PCSK5: variants seen among roughly 807,000 people sequenced by gnomAD.
The protein encoded by PCSK5 is proprotein convertase subtilisin/kexin type 5.
In PCSK5, 129 loss-of-function variants were observed where a neutral mutation model predicts 233.2. That is an observed-to-expected ratio of 0.55 (90% CI 0.48 to 0.64). The LOEUF is 0.64. Among genes scored for constraint, PCSK5 ranks in the 30% least tolerant of loss-of-function variants. PCSK5 has a pLI of 0.00. For synonymous variants in PCSK5, 825 were observed against 879.2 expected (o/e 0.94, Z 1.09); for missense variants, 2,076 against 2,430.1 (o/e 0.85, Z 3.06).
chr9:75,976,626 T>C (rs1826034494), intron 2 of PCSK5, among the ~76,000 whole-genome samples: 1 of 152,056 alleles, frequency 6.6e-6, no homozygotes, highest in African/African-American at 2.4e-5. Context: ...CCTTACAAGT[T>C]GTGAAAAAAC....
chr9:76,284,863 C>T (rs751989020), intron 24 of PCSK5, among the ~76,000 whole-genome samples: 3 of 152,066 alleles, frequency 2.0e-5, no homozygotes, highest in Non-Finnish European at 2.9e-5. Flanking sequence ...TACCCAGTCT[C>T]AGGTATTTCT....
intron 2 of PCSK5, among the ~76,000 whole-genome samples, chr9:75,950,800 G>A (rs1824821143): frequency 1.3e-5 from 2 of 152,158 alleles, no homozygotes; most frequent in Non-Finnish European, 2.9e-5. Context: ...AAAATCACCA[G>A]CTAACATCAT....
intron 30 of PCSK5, among the ~76,000 whole-genome samples, chr9:76,319,442 T>G (rs1334768842): frequency 6.8e-6 from 1 of 148,130 alleles, no homozygotes; most frequent in African/African-American, 2.5e-5. Flanking sequence ...TACTCTTTGT[T>G]GCATTACTAA....
intron 35 of PCSK5, among the ~76,000 whole-genome samples, chr9:76,340,093 T>C (rs1339269554): frequency 6.6e-6 from 1 of 152,140 alleles, no homozygotes; most frequent in Non-Finnish European, 1.5e-5. Flanking sequence ...CCAGGAGTAT[T>C]CTTCCTCCTT....
intron 10 of PCSK5, among the ~76,000 whole-genome samples, chr9:76,151,587 C>T (rs562386610): frequency 1.3e-5 from 2 of 152,278 alleles, no homozygotes; most frequent in East Asian, 1.9e-4. Flanking sequence ...CTGGCCCCTG[C>T]GATGTGCTAC....
chr9:75,943,066 G>A (rs1480249494), intron 2 of PCSK5, among the ~76,000 whole-genome samples: 3 of 151,760 alleles, frequency 2.0e-5, no homozygotes, highest in Admixed American at 6.6e-5. Flanking sequence ...TGTATTTTTA[G>A]TAGAGACGGG....
At position 76,223,438 on chromosome 9, in the gene PCSK5, T is replaced by TTCC. The variant is rs1419912108; in HGVS notation, c.2627-4064_2627-4063insCCT. On this transcript the variant is annotated intron_variant, in intron 20 of 37. Coordinates refer to ENST00000674117, the MANE Select transcript of PCSK5 (RefSeq NM_001372043.1). ...TATAATGTTTGCTTAGAATCTGGAC[T>TTCC]TGTTGATAGTATTCTACAGTGTTAT... Among the ~76,000 whole-genome samples, 3 of 152,362 alleles carry TTCC rather than the reference T, an allele frequency of 2.0e-5. No homozygotes were observed. In the East Asian group the frequency reaches 5.8e-4, roughly 29 times the overall value.
chr9:75,986,135 G>A lies in PCSK5; in HGVS notation c.301G>A (p.Glu101Lys). 6.3e-7 allele frequency: 1 copy of A among 1,594,224 alleles called. No homozygotes were observed. Among genetic ancestry groups the A allele is most frequent in the Non-Finnish European group, 8.6e-7 (1 of 1,161,790 alleles). Reference protein sequence around the residue: ...HSFISMEPKVEWIQQQVVKKR... With the variant: ...HSFISMEPKVKWIQQQVVKKR... Reference sequence around the variant, plus strand: ...CACCAAATGTCCTTCTTGACAGGTGGAATGGATCCAACAGCAAGTGGTAAA... The same window carrying A: ...CACCAAATGTCCTTCTTGACAGGTGAAATGGATCCAACAGCAAGTGGTAAA... Residue 101 changes from glutamate (E) to lysine (K), a missense_variant, in exon 3 of 38, where the codon GAA (glutamate) becomes AAA (lysine). Physicochemically the swap from Glu to Lys is moderately conservative, Grantham distance 56. Around this residue, in one of 6 missense-constraint regions of PCSK5, gnomAD observed 190 missense variants for 216.3 expected, o/e 0.88. Transcript: ENST00000674117.
intron 10 of PCSK5, among the ~76,000 whole-genome samples, chr9:76,138,466 C>T (rs764879397): frequency 5.9e-5 from 9 of 152,018 alleles, no homozygotes; most frequent in Admixed American, 2.0e-4. Flanking sequence ...TCATAACCTA[C>T]GGCTTGTATC....
intron 1 of PCSK5, among the ~76,000 whole-genome samples, chr9:75,916,297 A>C (rs989099935): frequency 2.6e-5 from 4 of 152,180 alleles, no homozygotes; most frequent in South Asian, 2.1e-4. Flanking sequence ...TTCTCTTGCT[A>C]TTAGTATAAA....
At chr9:76,033,583 G>GA (rs879667472) in intron 5 of PCSK5, among the ~76,000 whole-genome samples, 87 of 144,910 alleles carry the variant, frequency 6.0e-4, no homozygotes, top group Middle Eastern at 3.5e-3. Context: ...TGCAATTGTG[G>GA]AAAAAAAAAA....
In PCSK5 at chr9:76,049,525, A is replaced by G. The variant is rs544624910; in HGVS notation, c.633-18430A>G. ...GGTAACAAGGAAACTCAGTGAATAG[A>G]TGGTGTTAGCACTGCTTATCTCTAC... is the stretch of plus-strand genomic sequence containing the variant. On this transcript the variant is annotated intron_variant, in intron 5 of 37. Coordinates refer to ENST00000674117, the MANE Select transcript of PCSK5 (RefSeq NM_001372043.1). Among the ~76,000 whole-genome samples, 9 of 152,316 alleles carry G rather than the reference A, an allele frequency of 5.9e-5. No homozygotes were observed. The East Asian group carries it at 1.7e-3, about 29-fold the overall frequency.
chr9:76,159,979 T>C (rs948768664), intron 12 of PCSK5, among the ~76,000 whole-genome samples: 2 of 151,908 alleles, frequency 1.3e-5, no homozygotes, highest in Non-Finnish European at 2.9e-5. Flanking sequence ...TGCCCCACCA[T>C]GCCTGGCTAG....
At chr9:76,048,280 C>T (rs1230134789) in intron 5 of PCSK5, among the ~76,000 whole-genome samples, 1 of 152,144 alleles carries the variant, frequency 6.6e-6, no homozygotes, top group African/African-American at 2.4e-5. Flanking sequence ...GAGAGGGGTG[C>T]TCGAATTGGC....
intron 18 of PCSK5, among the ~76,000 whole-genome samples, 182 bp from the exon 19 acceptor site, chr9:76,188,912 G>A (rs1824231646): frequency 6.6e-6 from 1 of 152,202 alleles, no homozygotes; most frequent in Admixed American, 6.5e-5. Context: ...GACAGTGAAT[G>A]TTTTTGTCAA....
chr9:76,159,816 C>CTT (rs386415165), intron 12 of PCSK5, among the ~76,000 whole-genome samples: 16,035 of 97,502 alleles, frequency 0.16, 1,635 homozygotes, highest in Non-Finnish European at 0.2. Context: ...CTCTTCAGTC[C>CTT]TTTTTTTTTT....
At chr9:76,247,565 C>A (rs1320590886) in intron 24 of PCSK5, among the ~76,000 whole-genome samples, 4 of 152,178 alleles carry the variant, frequency 2.6e-5, no homozygotes, top group African/African-American at 9.7e-5. Flanking sequence ...ACCTTCCCAG[C>A]TAGGCTTAGG....
intron 2 of PCSK5, among the ~76,000 whole-genome samples, chr9:75,962,078 T>C (rs1825377533): frequency 1.3e-5 from 2 of 151,802 alleles, no homozygotes; most frequent in South Asian, 4.2e-4. Flanking sequence ...TGGATTGGGA[T>C]TGTGGTGAGC....
chr9:76,228,394 GA>G (rs1825966274), intron 21 of PCSK5, among the ~76,000 whole-genome samples: 1 of 152,140 alleles, frequency 6.6e-6, no homozygotes, highest in Non-Finnish European at 1.5e-5. Context: ...GCTTCCATAA[GA>G]GCAGCTGTAG....
Sources: allele counts gnomAD v4.1 joint callset (sites outside exome capture counted in the v4.1 genomes callset), GRCh38; gene constraint gnomAD v4.1.1; regional missense constraint gnomAD v4.1.1; transcripts MANE v1.5; gene names NCBI Gene and HGNC (gene_info 2026-07-23, HGNC 2026-07-21).